GRID2: variants seen among roughly 807,000 people sequenced by gnomAD.
GRID2 encodes the protein glutamate ionotropic receptor delta type subunit 2, also known as glutamate receptor ionotropic, delta-2.
GRID2 carries 33 observed loss-of-function variants against 114.8 expected under a neutral mutation model. The ratio of observed to expected loss-of-function variants is 0.29; its 90% CI spans 0.22 to 0.38. The LOEUF (loss-of-function observed/expected upper bound fraction) is 0.38. Ranked by LOEUF, GRID2 falls within the 10% of genes least tolerant of loss-of-function variation. The pLI is 1.00. For missense variants in GRID2, 1,184 were observed against 1,257.7 expected (o/e 0.94, Z 0.89); for synonymous variants, 505 against 449.9 (o/e 1.12, Z -1.55).
chr4:93,522,483 A>G (rs1013294423), intron 13 of GRID2, among the ~76,000 whole-genome samples: 1 of 152,206 alleles, frequency 6.6e-6, no homozygotes, highest in Admixed American at 6.6e-5. Flanking sequence ...CAAAGTCCAC[A>G]AAGAGTATAT....
chr4:93,580,889 A>C (rs1352822214), intron 13 of GRID2, among the ~76,000 whole-genome samples: 2 of 150,308 alleles, frequency 1.3e-5, no homozygotes, highest in East Asian at 3.9e-4. Flanking sequence ...ATATATATAT[A>C]TACAATTTAA....
intron 1 of GRID2, among the ~76,000 whole-genome samples, chr4:92,329,840 A>G (rs942224110): frequency 6.6e-6 from 1 of 151,980 alleles, no homozygotes; most frequent in Non-Finnish European, 1.5e-5. Flanking sequence ...TAGGGGGCCA[A>G]TGACATTGTG....
intron 2 of GRID2, among the ~76,000 whole-genome samples, chr4:92,734,771 GTT>G: frequency 7.3e-6 from 1 of 137,752 alleles, no homozygotes. Flanking sequence ...CTTTTTTTTA[GTT>G]TTTTTTTTCT....
At chr4:93,098,547 G>C (rs1338992192) in intron 3 of GRID2, among the ~76,000 whole-genome samples, 2 of 151,950 alleles carry the variant, frequency 1.3e-5, no homozygotes, top group East Asian at 3.9e-4. Flanking sequence ...TAGGTAAATT[G>C]TTTTAATGGA....
chr4:92,850,178 T>A (rs1206044318), intron 2 of GRID2, among the ~76,000 whole-genome samples: 6 of 151,364 alleles, frequency 4.0e-5, no homozygotes, highest in Non-Finnish European at 8.9e-5. Flanking sequence ...TAATATATAT[T>A]GATATGTTTA....
chr4:93,755,914 CTTA>C (rs1255874533), intron 14 of GRID2, among the ~76,000 whole-genome samples: 6 of 152,086 alleles, frequency 3.9e-5, no homozygotes, highest in African/African-American at 9.7e-5. Flanking sequence ...TCTTTATTAA[CTTA>C]TTATGTTCAC....
rs187600584 is a variant in GRID2 at position 92,391,178 on chromosome 4, A to G, written c.88+86434A>G. 1.7e-3 allele frequency among the ~76,000 whole-genome samples: 257 copies of G among 152,304 alleles called. 1 individual carries two copies. Among genetic ancestry groups the G allele is most frequent in the African/African-American group, 5.9e-3 (245 of 41,576 alleles). ...ATGATTGATTAATCTATCAATCTCT[A>G]TATGTGAGTACACTTTGGAAGTTTT... On this transcript the variant is annotated intron_variant, in intron 1 of 15. Transcript: ENST00000282020.
At chr4:93,745,348 A>G (rs1341482376) in intron 14 of GRID2, among the ~76,000 whole-genome samples, 2 of 152,222 alleles carry the variant, frequency 1.3e-5, no homozygotes, top group Non-Finnish European at 2.9e-5. Flanking sequence ...CAATTCAATG[A>G]GAGAAAAATG....
chr4:93,449,022 C>A lies in GRID2; in HGVS notation c.1546-6640C>A, dbSNP rs376211847. On this transcript the variant is annotated intron_variant, in intron 10 of 15. Coordinates refer to ENST00000282020, the MANE Select transcript of GRID2 (RefSeq NM_001510.4). ...TTTCCTCCTTCCCTTTTTTTTCCACCCTTTCTTCCTTCCTTTAGCATTTCT... is the reference window on the plus strand; with the variant it reads ...TTTCCTCCTTCCCTTTTTTTTCCACACTTTCTTCCTTCCTTTAGCATTTCT... Among the ~76,000 whole-genome samples the A allele has an allele frequency of 9.4e-5, 14 of 149,040 alleles. No individual in the cohort carries two copies. In the East Asian group the frequency reaches 2.0e-3, roughly 21 times the overall value.
chr4:92,929,426 CTT>C (rs1185272824), intron 2 of GRID2, among the ~76,000 whole-genome samples: 3 of 151,102 alleles, frequency 2.0e-5, no homozygotes, highest in African/African-American at 7.3e-5. Flanking sequence ...AAAAACCTAA[CTT>C]ATAACAAGTG....
chr4:93,417,889 TTTGAGCTA>T (rs757292051), intron 9 of GRID2, among the ~76,000 whole-genome samples: 4 of 151,610 alleles, frequency 2.6e-5, no homozygotes, highest in Non-Finnish European at 4.4e-5. Context: ...TGTTTCCACA[TTTGAGCTA>T]TTACAGACAA....
chr4:92,859,876 C>T (rs1029681466), intron 2 of GRID2, among the ~76,000 whole-genome samples: 1 of 152,060 alleles, frequency 6.6e-6, no homozygotes, highest in Admixed American at 6.6e-5. Flanking sequence ...TTGTTCTGTG[C>T]ATTGTAGAAT....
At chr4:93,335,337 A>G (rs777550396) in intron 8 of GRID2, among the ~76,000 whole-genome samples, 5 of 152,136 alleles carry the variant, frequency 3.3e-5, no homozygotes, top group African/African-American at 4.8e-5. Flanking sequence ...TGAGTTCTTT[A>G]TACTTCCGGT....
chr4:92,579,292 C>T (rs1423077963), intron 1 of GRID2, among the ~76,000 whole-genome samples: 1 of 151,966 alleles, frequency 6.6e-6, no homozygotes, highest in Non-Finnish European at 1.5e-5. Context: ...ACAGTGTATA[C>T]TCTATCATCG....
intron 9 of GRID2, among the ~76,000 whole-genome samples, chr4:93,411,202 T>C (rs900957493): frequency 2.0e-5 from 3 of 152,186 alleles, no homozygotes; most frequent in African/African-American, 7.2e-5. Flanking sequence ...TACATTTCCT[T>C]ATCTATAAAA....
intron 14 of GRID2, among the ~76,000 whole-genome samples, chr4:93,708,285 A>G (rs551679811): frequency 6.6e-6 from 1 of 151,564 alleles, no homozygotes; most frequent in Non-Finnish European, 1.5e-5. Flanking sequence ...CCAGTGCTGT[A>G]AGTGGGCTGT....
intron 12 of GRID2, among the ~76,000 whole-genome samples, chr4:93,499,546 A>T (rs1727894169): frequency 6.6e-6 from 1 of 151,814 alleles, no homozygotes; most frequent in Non-Finnish European, 1.5e-5. Context: ...CTGGAGCTTT[A>T]CATGCTCTTC....
chr4:92,426,794 C>T (rs563097830), intron 1 of GRID2, among the ~76,000 whole-genome samples: 2 of 152,210 alleles, frequency 1.3e-5, no homozygotes, highest in East Asian at 3.9e-4. Context: ...GACCTTCTCT[C>T]TCTTTTATTA....
intron 1 of GRID2, among the ~76,000 whole-genome samples, chr4:93,796,114 T>C (rs1188048928): frequency 1.3e-5 from 2 of 152,064 alleles, no homozygotes; most frequent in South Asian, 2.1e-4. Context: ...CAGGTGGCCA[T>C]TTCCAGATGC....
Sources: gnomAD v4.1 joint callset for allele counts (sites outside exome capture counted in the v4.1 genomes callset) on GRCh38, gnomAD v4.1.1 for gene constraint, MANE v1.5 for transcripts, NCBI Gene and HGNC (gene_info 2026-07-23, HGNC 2026-07-21) for gene names.